LPIN1: variants seen among roughly 807,000 people sequenced by gnomAD.
LPIN1 encodes the protein phosphatidate phosphatase LPIN1.
Under a neutral mutation model 107.5 loss-of-function variants are expected in LPIN1, and 71 were observed. That is an observed-to-expected ratio of 0.66 (90% CI 0.55 to 0.80). The LOEUF (loss-of-function observed/expected upper bound fraction) is 0.80. LPIN1 is among the 30% of genes least tolerant of loss of function. The pLI, the probability that LPIN1 is intolerant of heterozygous loss-of-function variation, is 0.00. For missense variants in LPIN1, 1,043 were observed against 1,160.6 expected (o/e 0.90, Z 1.47); for synonymous variants, 445 against 452.6 (o/e 0.98, Z 0.21).
In LPIN1 at chr2:11,824,971, A is replaced by G; in HGVS notation, c.*180A>G. The G allele has an allele frequency of 1.5e-6, 1 of 679,898 alleles. No individual in the cohort carries two copies. The highest frequency in any genetic ancestry group is 2.7e-5 in the Admixed American group (1 of 37,326). The allele number at this position is 679,898 out of a possible 1,614,324, so 42.1% of individuals were successfully genotyped here. ...ACCCCGGGGCTGACATTTCTAAGCA[A>G]GATAGGAAGGGAGCACTTTCTAGGC... On this transcript the variant is annotated 3_prime_UTR_variant, in exon 21 of 21. Coordinates refer to ENST00000674199, the MANE Select transcript of LPIN1 (RefSeq NM_001349206.2).
chr2:11,678,764 A>G (rs1397072297), intron 1 of LPIN1, among the ~76,000 whole-genome samples: 1 of 152,122 alleles, frequency 6.6e-6, no homozygotes, highest in Non-Finnish European at 1.5e-5. Flanking sequence ...TCCTGCTCCC[A>G]CCTCTGCACT....
At chr2:11,767,344 A>G (rs1187423554) in intron 2 of LPIN1, 2 of 214,044 alleles carry the variant, frequency 9.3e-6, no homozygotes, top group Admixed American at 5.3e-5. Flanking sequence ...CTCACCAGCC[A>G]TGTGACCCTG....
rs1673996072 is a variant in LPIN1, at chr2:11,783,891, C to A, written c.1327C>A (p.Pro443Thr). 6.2e-7 allele frequency: 1 copy of A among 1,614,060 alleles called. No individual in the cohort carries two copies. The highest frequency in any genetic ancestry group is 8.5e-7 in the Non-Finnish European group (1 of 1,180,004). The change falls in exon 9 of 21, where the codon CCT becomes ACT. Residue 443 changes from proline (P) to threonine (T), a missense_variant. Pro to Thr is a conservative substitution (Grantham distance 38). Coordinates refer to ENST00000674199, the MANE Select transcript of LPIN1 (RefSeq NM_001349206.2). ...VYLDDLTDMD[P>T]EVAALYFPKN... is the part of the protein sequence containing the mutation. Reference sequence around the variant, plus strand: ...CTTGGATGACCTCACAGACATGGATCCTGAAGTGGCGGCCCTGTATTTTCC... The same window carrying A: ...CTTGGATGACCTCACAGACATGGATACTGAAGTGGCGGCCCTGTATTTTCC...
At chr2:11,788,809 C>A in intron 12 of LPIN1, among the ~76,000 whole-genome samples, 1 of 152,196 alleles carries the variant, frequency 6.6e-6, no homozygotes, top group East Asian at 1.9e-4. Flanking sequence ...AAAGGTGGAG[C>A]AGGCATCAGG....
intron 14 of LPIN1, among the ~76,000 whole-genome samples, chr2:11,800,406 A>T (rs1677495471): frequency 6.6e-6 from 1 of 151,632 alleles, no homozygotes; most frequent in South Asian, 2.1e-4. Context: ...GGTTGTAGGG[A>T]TCTCTTTTTT....
chr2:11,748,096 T>A (rs1457341647), intron 1 of LPIN1, among the ~76,000 whole-genome samples: 1 of 152,208 alleles, frequency 6.6e-6, no homozygotes, highest in East Asian at 1.9e-4. Flanking sequence ...ACGCGAGGGT[T>A]CAGGTGAGAG....
In LPIN1 at chr2:11,771,404, C is replaced by A. The variant is rs559216133; in HGVS notation, c.321C>A (p.Pro107=). Reference sequence around the variant, plus strand: ...TCCCTATGCACCTGGCCACCTCCCCCATCCTGTCAGAAGGAGCTTCGAGAA... The same window carrying A: ...TCCCTATGCACCTGGCCACCTCCCCAATCCTGTCAGAAGGAGCTTCGAGAA... The part of the protein sequence containing the change: ...EVIPMHLATS[P]ILSEGASRME... The change falls in exon 4 of 21, where the codon CCC becomes CCA. Residue 107 remains proline (P), a synonymous_variant. Coordinates refer to ENST00000674199, the MANE Select transcript of LPIN1 (RefSeq NM_001349206.2). The surrounding 1 kb of genome is among the most constrained non-coding windows in gnomAD (Gnocchi z 4.8). The A allele has an allele frequency of 8.1e-5, 131 of 1,614,244 alleles. No homozygotes were observed. In the South Asian group the frequency reaches 1.4e-3, roughly 17 times the overall value.
rs555514442 is a variant in LPIN1, at chr2:11,807,763, CTG to C, written c.2249+2612_2249+2613del. ...GTGTTGTCCGCGCACCCAGTCAGGCCTGTGTGATTTGCAGGATGGCCAGGGCT... is the reference window on the plus strand; with the variant it reads ...GTGTTGTCCGCGCACCCAGTCAGGCCTGTGATTTGCAGGATGGCCAGGGCT... On this transcript the variant is annotated intron_variant, in intron 17 of 20. Coordinates refer to ENST00000674199, the MANE Select transcript of LPIN1 (RefSeq NM_001349206.2). Among the ~76,000 whole-genome samples the C allele has an allele frequency of 7.7e-4, 118 of 152,258 alleles. No homozygotes were observed. In the Middle Eastern group the frequency reaches 0.01, roughly 13 times the overall value.
chr2:11,728,326 G>C (rs1445596691), intron 1 of LPIN1, among the ~76,000 whole-genome samples: 1 of 151,896 alleles, frequency 6.6e-6, no homozygotes, highest in Admixed American at 6.6e-5. Context: ...CTTTTAACTG[G>C]TATATTCATT....
chr2:11,804,466 G>A lies in LPIN1; in HGVS notation c.2057G>A (p.Ser686Asn), dbSNP rs1271767054. 13 of 1,614,218 alleles carry A rather than the reference G, an allele frequency of 8.1e-6. No homozygotes were observed. Among genetic ancestry groups the A allele is most frequent in the East Asian group, 2.2e-5 (1 of 44,890 alleles). ...LKNGPNDVVF[S>N]VTTQYQGTCR... The stretch of plus-strand genomic sequence containing the variant: ...AATGGCCCCAACGACGTGGTTTTCA[G>A]TGTCACCACGCAGTACCAAGGCACG... Residue 686 changes from serine (S) to asparagine (N), a missense_variant, in exon 16 of 21, where the codon AGT becomes AAT. Ser to Asn is a conservative substitution (Grantham distance 46). Transcript: ENST00000674199.
intron 1 of LPIN1, among the ~76,000 whole-genome samples, chr2:11,736,127 T>C (rs1665770665): frequency 6.6e-6 from 1 of 152,242 alleles, no homozygotes; most frequent in South Asian, 2.1e-4. Context: ...TGGGGAAGAA[T>C]TGAGCACTGG....
In LPIN1 at chr2:11,820,432, G is replaced by T; in HGVS notation, c.2539G>T (p.Val847Leu). ...RPADVYSYKQ[V>L]GVSLNRIFTV... Reference sequence around the variant, plus strand: ...ATAGGATGTGTATTCATACAAGCAAGTAGGAGTGTCTTTGAATAGAATATT... The same window carrying T: ...ATAGGATGTGTATTCATACAAGCAATTAGGAGTGTCTTTGAATAGAATATT... Residue 847 changes from valine to leucine, a missense_variant, in exon 20 of 21, where the codon GTA (valine) becomes TTA (leucine). Val to Leu is a conservative substitution (Grantham distance 32, BLOSUM62 1). Transcript: ENST00000674199. 1 of 1,612,062 alleles carries T rather than the reference G, an allele frequency of 6.2e-7. No individual in the cohort carries two copies. Among genetic ancestry groups the T allele is most frequent in the Non-Finnish European group, 8.5e-7 (1 of 1,178,122 alleles).
At chr2:11,724,706 C>T (rs988541946) in intron 1 of LPIN1, 4 of 901,866 alleles carry the variant, frequency 4.4e-6, no homozygotes, top group East Asian at 1.2e-4. Context: ...TGACACAGGT[C>T]AATGTGTCCC....
chr2:11,815,358 C>T, intron 18 of LPIN1, 118 bp downstream of exon 18: 1 of 1,236,042 alleles, frequency 8.1e-7, no homozygotes, highest in Non-Finnish European at 1.2e-6. Flanking sequence ...TATCCATGCT[C>T]CATAGCAGGC....
chr2:11,804,621 G>C, intron 16 of LPIN1, 50 bp downstream of exon 16: 2 of 1,051,726 alleles, frequency 1.9e-6, no homozygotes, highest in Non-Finnish European at 2.6e-6. Context: ...GCTTCACCGT[G>C]GGGGTCTCTG....
chr2:11,824,942 C>A lies in LPIN1; in HGVS notation c.*151C>A. ...AGAATTGAGAAGCATTTCTCCCCTG[C>A]CCCACCCCGGGGCTGACATTTCTAA... On this transcript the variant is annotated 3_prime_UTR_variant, in exon 21 of 21. Coordinates refer to ENST00000674199, the MANE Select transcript of LPIN1 (RefSeq NM_001349206.2). The A allele has an allele frequency of 1.2e-6, 1 of 864,308 alleles. No homozygotes were observed. The highest frequency in any genetic ancestry group is 1.8e-6 in the Non-Finnish European group (1 of 553,090). 53.5% of individuals were successfully genotyped at this position (864,308 alleles called of 1,614,324 possible).
chr2:11,804,983 T>TG (rs1364252107), intron 16 of LPIN1, 87 bp from the exon 17 acceptor site: 7 of 219,728 alleles, frequency 3.2e-5, no homozygotes, highest in African/African-American at 1.9e-4. Context: ...CTTGTTTGTG[T>TG]TTTTTTTTTT....
chr2:11,709,297 T>C (rs1663285998), intron 1 of LPIN1, among the ~76,000 whole-genome samples: 1 of 152,216 alleles, frequency 6.6e-6, no homozygotes, highest in African/African-American at 2.4e-5. Context: ...TGCATGTAGA[T>C]GCAGAATTTT....
intron 1 of LPIN1, among the ~76,000 whole-genome samples, chr2:11,762,256 A>T (rs1030662776): frequency 6.6e-6 from 1 of 152,114 alleles, no homozygotes; most frequent in Non-Finnish European, 1.5e-5. Context: ...TGGTGCTTCC[A>T]TGCCCTCTCT....
Sources: gnomAD v4.1 joint callset for allele counts (sites outside exome capture counted in the v4.1 genomes callset) on GRCh38, gnomAD v4.1.1 for gene constraint, Gnocchi (gnomAD v3.1) non-coding constraint, MANE v1.5 for transcripts, NCBI Gene and HGNC (gene_info 2026-07-23, HGNC 2026-07-21) for gene names.